Variants in COL18A1 observed in about 807,000 individuals in gnomAD.
COL18A1 encodes the protein collagen alpha-1(XVIII) chain.
In COL18A1, 133 loss-of-function variants were observed where a neutral mutation model predicts 168.0. That is an observed-to-expected ratio of 0.79 (90% confidence interval 0.69 to 0.91). COL18A1 has a LOEUF of 0.91. COL18A1 is among the 40% of genes least tolerant of loss of function. The probability of loss-of-function intolerance (pLI) is 0.00; values close to 1 mark genes in which losing one functional copy is unlikely to be tolerated. For missense variants in COL18A1, 2,126 were observed against 1,925.4 expected (o/e 1.10, Z -1.95); for synonymous variants, 949 against 809.0 (o/e 1.17, Z -2.94).
chr21:45,505,379 C>T lies in COL18A1; in HGVS notation c.3035C>T (p.Pro1012Leu), dbSNP rs780489714. ...GCAGCTATCAGCGTTCCCGGCCCTC[C>T]GGGCCCCCCTGGGCCCCCTGGGCCC... ...HRQTISVPGP[P>L]GPPGPPGPPG... The change falls in exon 36 of 42, where the codon CCG becomes CTG. Residue 1012 changes from proline to leucine, a missense_variant. Physicochemically the swap from Pro to Leu is moderately conservative, Grantham distance 98. Coordinates refer to ENST00000651438, the MANE Select transcript of COL18A1 (RefSeq NM_001379500.1). The T allele has an allele frequency of 7.5e-5, 119 of 1,594,332 alleles. No individual in the cohort carries two copies. The highest frequency in any genetic ancestry group is 9.4e-5 in the Non-Finnish European group (109 of 1,165,286).
intron 2 of COL18A1, 72 bp downstream of exon 2, chr21:45,405,545 C>T: frequency 2.0e-6 from 2 of 983,702 alleles, no homozygotes; most frequent in Admixed American, 4.5e-5. Flanking sequence ...GGGGTCCCCG[C>T]CCGGCTCCCT....
intron 37 of COL18A1, chr21:45,506,581 C>T (rs577244599): frequency 1.7e-4 from 31 of 179,596 alleles, no homozygotes; most frequent in Middle Eastern, 2.8e-3. Context: ...TGCAGGGCCC[C>T]GGGAAGGTTT....
rs1163281806 is a variant in COL18A1, at chr21:45,484,027, GCACA to G, written c.1701+1214_1701+1217del. ...ACACCTCTCCAGCATATGTACACAT[GCACA>G]CACACACCTCTCCAGCATATGTACA... On this transcript the variant is annotated intron_variant, in intron 15 of 41. Coordinates refer to ENST00000651438, the MANE Select transcript of COL18A1 (RefSeq NM_001379500.1). Among the ~76,000 whole-genome samples the G allele has an allele frequency of 2.0e-4, 9 of 45,654 alleles. 2 individuals are homozygous for G. Among genetic ancestry groups the G allele is most frequent in the South Asian group, 1.1e-3 (2 of 1,754 alleles). The allele number at this position is 45,654 out of a possible 152,430, so 30.0% of individuals were successfully genotyped here.
chr21:45,504,141 C>T (rs2037038458), intron 33 of COL18A1, 87 bp downstream of exon 33: 4 of 1,457,524 alleles, frequency 2.7e-6, no homozygotes, highest in Non-Finnish European at 2.9e-6. Context: ...CCCCATCCGG[C>T]CCAAGCCCCC....
In COL18A1 at chr21:45,491,302, G is replaced by C. The variant is rs2145985272; in HGVS notation, c.2145G>C (p.Val715=). The C allele has an allele frequency of 1.9e-6, 3 of 1,611,824 alleles. No homozygotes were observed. The highest frequency in any genetic ancestry group is 2.5e-6 in the Non-Finnish European group (3 of 1,179,368). Residue 715 remains valine (V), a synonymous_variant, in exon 22 of 42, where the codon GTG becomes GTC. Coordinates refer to ENST00000651438, the MANE Select transcript of COL18A1 (RefSeq NM_001379500.1). ...GACCCCCGGGACCTGTGGTCTACGT[G>C]TCGGAGCAGGACGTAAGGACGCTGC... is the stretch of plus-strand genomic sequence containing the variant. The part of the protein sequence containing the change: ...PPGPPGPVVY[V]SEQDGSVLSV...
rs547619072 is a variant in COL18A1 at position 45,446,671 on chromosome 21, A to T, written c.107-21571A>T. Among the ~76,000 whole-genome samples, 26 of 152,368 alleles carry T rather than the reference A, an allele frequency of 1.7e-4. No individual in the cohort carries two copies. The South Asian group carries it at 5.4e-3, about 32-fold the overall frequency. ...ATTTTATGAGACCAATATTACTCTG[A>T]TACCATAATCAGACAAAGACATTGC... On this transcript the variant is annotated intron_variant, in intron 2 of 41. Coordinates refer to ENST00000651438, the MANE Select transcript of COL18A1 (RefSeq NM_001379500.1).
intron 2 of COL18A1, among the ~76,000 whole-genome samples, chr21:45,453,067 C>CT (rs2034681371): frequency 6.7e-6 from 1 of 150,008 alleles, no homozygotes; most frequent in Non-Finnish European, 1.5e-5. Flanking sequence ...CATGTGTGAG[C>CT]TTGTGTATGC....
chr21:45,488,532 C>T (rs190384598), intron 18 of COL18A1, 88 bp downstream of exon 18: 53 of 1,592,814 alleles, frequency 3.3e-5, no homozygotes, highest in African/African-American at 3.0e-4. Flanking sequence ...GGCCTTGCCT[C>T]GGGTTTTCTG....
At chr21:45,436,740 G>A (rs1409084411) in intron 2 of COL18A1, among the ~76,000 whole-genome samples, 3 of 151,912 alleles carry the variant, frequency 2.0e-5, no homozygotes, top group Non-Finnish European at 4.4e-5. Flanking sequence ...GGAGGGAGCC[G>A]TGGCTGTGGG....
At chr21:45,449,493 G>C (rs530519822) in intron 2 of COL18A1, among the ~76,000 whole-genome samples, 1 of 152,164 alleles carries the variant, frequency 6.6e-6, no homozygotes, top group Admixed American at 6.5e-5. Context: ...CCAGGGAAGA[G>C]CTAAGAGAAG....
intron 2 of COL18A1, among the ~76,000 whole-genome samples, chr21:45,426,728 G>A (rs754557293): frequency 3.3e-5 from 5 of 152,244 alleles, no homozygotes; most frequent in African/African-American, 7.2e-5. Flanking sequence ...TGCCCACTTC[G>A]TCCAGCAGGT....
chr21:45,496,025 C>A, intron 29 of COL18A1: 1 of 357,858 alleles, frequency 2.8e-6, no homozygotes. Context: ...TACACACATA[C>A]AACAGGCCCC....
Position 45,449,518 on chromosome 21 carries a change from C to T in COL18A1, c.107-18724C>T, listed in dbSNP as rs116331088. Among the ~76,000 whole-genome samples the T allele has an allele frequency of 8.2e-3, 1,255 of 152,208 alleles. 17 individuals carry two copies. Among genetic ancestry groups the T allele is most frequent in the African/African-American group, 0.029 (1,186 of 41,538 alleles). On this transcript the variant is annotated intron_variant, in intron 2 of 41. Transcript: ENST00000651438. ...GCTAAGAGAAGCCTCGTCGTGGAATCGGGGGACAGAAGCCTCCACCCTGCC... is the reference window on the plus strand; with the variant it reads ...GCTAAGAGAAGCCTCGTCGTGGAATTGGGGGACAGAAGCCTCCACCCTGCC...
chr21:45,465,828 G>A (rs575702833), intron 2 of COL18A1, among the ~76,000 whole-genome samples: 3 of 152,356 alleles, frequency 2.0e-5, no homozygotes, highest in East Asian at 3.9e-4. Context: ...TGGAGTGCAC[G>A]TGTCTGAGGG....
chr21:45,438,131 C>G lies in COL18A1; in HGVS notation c.107-30111C>G, dbSNP rs1337635441. Among the ~76,000 whole-genome samples the G allele has an allele frequency of 4.0e-5, 3 of 74,210 alleles. No homozygotes were observed. In the South Asian group the frequency reaches 1.4e-3, roughly 35 times the overall value. The allele number at this position is 74,210 out of a possible 152,430, so 48.7% of individuals were successfully genotyped here. A position where few individuals can be genotyped will look rare whatever the true frequency, so the allele number is the denominator to read the frequency against. On this transcript the variant is annotated intron_variant, in intron 2 of 41. Transcript: ENST00000651438. ...ACTCAGACACACAGGCACTCTCCTG[C>G]ACACACACACTCACTCAGACACAGG...
intron 15 of COL18A1, among the ~76,000 whole-genome samples, chr21:45,484,664 A>G (rs945209798): frequency 9.4e-5 from 9 of 95,240 alleles, no homozygotes; most frequent in African/African-American, 3.1e-4. Flanking sequence ...ATGTGCACAT[A>G]CACACACATG....
At chr21:45,488,480 T>C (rs757940551) in intron 18 of COL18A1, 36 bp downstream of exon 18, 1 of 1,613,660 alleles carries the variant, frequency 6.2e-7, no homozygotes, top group South Asian at 1.1e-5. Context: ...CTGTGGTTGC[T>C]GGCTTGGCCC....
chr21:45,497,345 C>G (rs2036578235), intron 31 of COL18A1, among the ~76,000 whole-genome samples: 1 of 152,248 alleles, frequency 6.6e-6, no homozygotes, highest in African/African-American at 2.4e-5. Flanking sequence ...CTGGCCAAAG[C>G]AGGGTGGAAG....
intron 32 of COL18A1, 66 bp downstream of exon 32, chr21:45,497,727 C>T: frequency 1.3e-6 from 2 of 1,544,798 alleles, no homozygotes; most frequent in South Asian, 2.4e-5. Context: ...TGTGGTCACA[C>T]CTAGAGCCGC....
Sources: gnomAD v4.1 joint callset for allele counts (sites outside exome capture counted in the v4.1 genomes callset) on GRCh38, gnomAD v4.1.1 for gene constraint, MANE v1.5 for transcripts, NCBI Gene and HGNC (gene_info 2026-07-23, HGNC 2026-07-21) for gene names.